The following USP50 variants were observed in gnomAD, a reference collection of about 807,000 sequenced individuals.
USP50 encodes ubiquitin carboxyl-terminal hydrolase 50.
A neutral mutation model predicts 39.2 loss-of-function variants in USP50; 37 were observed. The ratio of observed to expected loss-of-function variants is 0.94; its 90% CI spans 0.73 to 1.24. USP50 has a LOEUF of 1.24. Ranked by LOEUF, USP50 falls within the 50% of genes most tolerant of loss-of-function variation. USP50 has a pLI of 0.00. For missense variants in USP50, 374 were observed against 398.2 expected, an observed-to-expected ratio of 0.94 and a Z score of 0.52; for synonymous variants, 139 against 144.5, an observed-to-expected ratio of 0.96 and a Z score of 0.27.
downstream of USP50, chr15:50,493,541 C>T: frequency 2.0e-6 from 1 of 511,230 alleles, no homozygotes; most frequent in South Asian, 1.4e-5. Context: ...TCACTTGGGG[C>T]CCAGGAGTTT....
At chr15:50,504,017 C>T (rs551890936) in intron 6 of USP50, 1 of 152,034 alleles carries the variant, frequency 6.6e-6, no homozygotes, top group East Asian at 1.9e-4. Context: ...ATGAGAAATA[C>T]AACATAGTTG....
At chr15:50,538,645 T>A in intron 5 of USP50, 64 bp downstream of exon 5, 1 of 1,452,076 alleles carries the variant, frequency 6.9e-7, no homozygotes, top group East Asian at 2.5e-5. Flanking sequence ...ATTATTGGCA[T>A]GTGAATTTTA....
chr15:50,522,930 G>A (rs1214411030), intron 6 of USP50, among the ~76,000 whole-genome samples: 1 of 151,718 alleles, frequency 6.6e-6, no homozygotes, highest in Non-Finnish European at 1.5e-5. Flanking sequence ...TTACAGGAAT[G>A]AGCCACCACA....
chr15:50,545,542 T>G (rs1480542808), intron 1 of USP50, among the ~76,000 whole-genome samples: 1 of 150,862 alleles, frequency 6.6e-6, no homozygotes, highest in Non-Finnish European at 1.5e-5. Flanking sequence ...AGATTGTCTC[T>G]ATATATGTGA....
chr15:50,496,337 C>T (rs1443526090), downstream of USP50, among the ~76,000 whole-genome samples: 4 of 151,874 alleles, frequency 2.6e-5, no homozygotes, highest in Non-Finnish European at 4.4e-5. Context: ...AAAAATTAGC[C>T]GGGCGTGGTG....
chr15:50,541,941 A>T (rs950744704), intron 3 of USP50, among the ~76,000 whole-genome samples: 1 of 151,962 alleles, frequency 6.6e-6, no homozygotes, highest in Non-Finnish European at 1.5e-5. Flanking sequence ...TTGGCCAGGC[A>T]TGGTGGCTAA....
At chr15:50,518,143 A>G (rs140479072) in intron 6 of USP50, among the ~76,000 whole-genome samples, 1,993 of 152,312 alleles carry the variant, frequency 0.013, 44 homozygotes, top group African/African-American at 0.045. Context: ...AAACAGACAC[A>G]TAGGCCAATG....
chr15:50,494,718 A>C (rs1234256388), intron 1 of USP50, among the ~76,000 whole-genome samples: 1 of 152,174 alleles, frequency 6.6e-6, no homozygotes, highest in Non-Finnish European at 1.5e-5. Context: ...CATCCTTCTA[A>C]AATAAGAATT....
chr15:50,495,710 A>C (rs2052370919), downstream of USP50: 1 of 652,234 alleles, frequency 1.5e-6, no homozygotes, highest in Non-Finnish European at 2.6e-6. Flanking sequence ...TTTTTGCCAC[A>C]CTCAGTGAGA....
chr15:50,516,485 C>T (rs1194818122), intron 6 of USP50, among the ~76,000 whole-genome samples: 1 of 151,980 alleles, frequency 6.6e-6, no homozygotes, highest in Non-Finnish European at 1.5e-5. Flanking sequence ...GGCGTGGTGG[C>T]GGGCGCCTGT....
At chr15:50,498,505 A>C, downstream of USP50, 1 of 1,414,642 alleles carries the variant, frequency 7.1e-7, no homozygotes, top group Non-Finnish European at 9.4e-7. Context: ...AATGGATTTT[A>C]CAGTCCTGGC....
At chr15:50,525,880 T>C (rs1336423846) in intron 6 of USP50, among the ~76,000 whole-genome samples, 1 of 151,624 alleles carries the variant, frequency 6.6e-6, no homozygotes, top group Non-Finnish European at 1.5e-5. Context: ...AAAAAACAGC[T>C]ATAGAAGAAT....
chr15:50,522,969 T>C (rs940917607), intron 6 of USP50, among the ~76,000 whole-genome samples: 4 of 151,830 alleles, frequency 2.6e-5, no homozygotes, highest in Admixed American at 6.6e-5. Context: ...CTTTTCAGCA[T>C]AGTACTGGAA....
intron 6 of USP50, among the ~76,000 whole-genome samples, chr15:50,520,450 T>C (rs2052839843): frequency 6.6e-6 from 1 of 151,722 alleles, no homozygotes; most frequent in East Asian, 2.0e-4. Flanking sequence ...TACAGGCACA[T>C]GCCACAATAC....
chr15:50,535,228 A>C (rs1443830513), intron 5 of USP50, among the ~76,000 whole-genome samples: 1 of 152,152 alleles, frequency 6.6e-6, no homozygotes, highest in Non-Finnish European at 1.5e-5. Flanking sequence ...ATATCAACAC[A>C]CCTCTGTCAG....
intron 6 of USP50, chr15:50,506,695 C>G (rs1054578700): frequency 6.6e-6 from 1 of 152,032 alleles, no homozygotes; most frequent in African/African-American, 2.4e-5. Context: ...CGCGATGGCT[C>G]ACGTCTATAA....
chr15:50,540,650 G>A (rs1208663061), intron 4 of USP50, among the ~76,000 whole-genome samples: 1 of 152,036 alleles, frequency 6.6e-6, no homozygotes, highest in Admixed American at 6.5e-5. Context: ...TTGAGACAGA[G>A]ACTCACTCTG....
intron 2 of USP50, among the ~76,000 whole-genome samples, chr15:50,544,264 A>G (rs1229455509): frequency 2.6e-5 from 4 of 152,080 alleles, no homozygotes; most frequent in African/African-American, 9.7e-5. Context: ...CAGGAGGCTG[A>G]GGCAGGAGGG....
At chr15:50,495,522 G>C (rs118011012) in intron 1 of USP50, among the ~76,000 whole-genome samples, 1 of 150,440 alleles carries the variant, frequency 6.6e-6, no homozygotes, top group African/African-American at 2.5e-5. Flanking sequence ...AGTTGGTCTC[G>C]AACTCCTGGC....
Sources: gnomAD v4.1 joint callset for allele counts (sites outside exome capture counted in the v4.1 genomes callset) on GRCh38, gnomAD v4.1.1 for gene constraint, MANE v1.5 for transcripts, NCBI Gene and HGNC (gene_info 2026-07-23, HGNC 2026-07-21) for gene names.